Variants in ARID5B observed in about 807,000 individuals in gnomAD.
The protein encoded by ARID5B is AT-rich interaction domain 5B.
In ARID5B, 13 loss-of-function variants were observed where a neutral mutation model predicts 97.2. That is an observed-to-expected ratio of 0.13 (90% CI 0.09 to 0.21). The LOEUF is 0.21. Ranked by LOEUF, ARID5B falls within the 10% of genes least tolerant of loss-of-function variation. The pLI is 1.00. For synonymous variants in ARID5B, 556 were observed against 570.3 expected, an observed-to-expected ratio of 0.97 and a Z score of 0.36; for missense variants, 1,210 against 1,465.3, an observed-to-expected ratio of 0.83 and a Z score of 2.84.
chr10:62,007,467 T>A (rs1420358995), intron 4 of ARID5B, among the ~76,000 whole-genome samples: 1 of 152,152 alleles, frequency 6.6e-6, no homozygotes, highest in Non-Finnish European at 1.5e-5. Flanking sequence ...ACTTTTATAG[T>A]ATGTGGAAAG....
intron 3 of ARID5B, among the ~76,000 whole-genome samples, chr10:61,974,145 G>GT (rs1322788758): frequency 6.6e-6 from 1 of 152,152 alleles, no homozygotes; most frequent in Non-Finnish European, 1.5e-5. Context: ...AAAGGGAGAG[G>GT]TTTTGACAAC....
intron 3 of ARID5B, among the ~76,000 whole-genome samples, chr10:61,959,325 A>C (rs2132820145): frequency 6.6e-6 from 1 of 152,310 alleles, no homozygotes; most frequent in East Asian, 1.9e-4. Context: ...TGGCTGAATA[A>C]AACTTCTGTC....
chr10:62,060,312 A>G (rs1450266898), intron 7 of ARID5B, among the ~76,000 whole-genome samples: 1 of 152,200 alleles, frequency 6.6e-6, no homozygotes. Flanking sequence ...GACAAGCATT[A>G]TGTGGTTCAG....
intron 4 of ARID5B, among the ~76,000 whole-genome samples, chr10:62,039,598 G>C (rs1426459903): frequency 6.6e-6 from 1 of 152,204 alleles, no homozygotes; most frequent in Non-Finnish European, 1.5e-5. Flanking sequence ...GAGGGAATCA[G>C]CTTTGATTTT....
intron 2 of ARID5B, among the ~76,000 whole-genome samples, chr10:61,907,614 C>T (rs1843728405): frequency 6.6e-6 from 1 of 152,214 alleles, no homozygotes. Flanking sequence ...TCATCTTAAG[C>T]TAAGAAAAGG....
At chr10:61,964,406 AG>A (rs1449210599) in intron 3 of ARID5B, among the ~76,000 whole-genome samples, 5 of 152,282 alleles carry the variant, frequency 3.3e-5, no homozygotes, top group Middle Eastern at 6.8e-3. Flanking sequence ...GTGTTAACCC[AG>A]GGGCAGGAAT....
chr10:62,086,000 A>T, intron 9 of ARID5B, 100 bp downstream of exon 9: 1 of 1,263,170 alleles, frequency 7.9e-7, no homozygotes, highest in African/African-American at 1.5e-5. Context: ...GCACAGTTGG[A>T]TGGCTTGATG....
At chr10:61,906,270 A>T (rs746787223) in intron 2 of ARID5B, among the ~76,000 whole-genome samples, 2 of 152,202 alleles carry the variant, frequency 1.3e-5, no homozygotes, top group African/African-American at 2.4e-5. Context: ...TAAAAATGAT[A>T]CCATCTTAAA....
chr10:61,959,657 A>C (rs1230424984), intron 3 of ARID5B, among the ~76,000 whole-genome samples: 2 of 152,156 alleles, frequency 1.3e-5, no homozygotes, highest in African/African-American at 4.8e-5. Context: ...TCTGAAAGGT[A>C]TTGATGATGA....
rs1485685267 is a variant in ARID5B, at chr10:62,091,603, C to T, written c.2140C>T (p.Pro714Ser). The change falls in exon 10 of 10, where the codon CCC (proline) becomes TCC (serine). Residue 714 changes from proline to serine, a missense_variant. Physicochemically the swap from Pro to Ser is moderately conservative, Grantham distance 74. Around this residue, in one of 8 missense-constraint regions of ARID5B, gnomAD observed 800 missense variants for 839.1 expected, o/e 0.95. Coordinates refer to ENST00000279873, the MANE Select transcript of ARID5B (RefSeq NM_032199.3). ...CAGCAGCTACCCTTATGGCTCCCCA[C>T]CCCCTTTGATCAGCAAAAAGAAACT... ...LSSSYPYGSP[P>S]PLISKKKLIA... 6.2e-7 allele frequency: 1 copy of T among 1,613,294 alleles called. No homozygotes were observed. The highest frequency in any genetic ancestry group is 1.1e-5 in the South Asian group (1 of 90,894).
chr10:62,060,945 G>A (rs1468277712), intron 7 of ARID5B, among the ~76,000 whole-genome samples: 1 of 152,178 alleles, frequency 6.6e-6, no homozygotes, highest in Non-Finnish European at 1.5e-5. Context: ...GCAAGTTGAT[G>A]TAGAATGTAC....
intron 2 of ARID5B, among the ~76,000 whole-genome samples, chr10:61,906,181 T>C (rs1843704506): frequency 6.6e-6 from 1 of 152,178 alleles, no homozygotes; most frequent in Non-Finnish European, 1.5e-5. Flanking sequence ...ATTATGATTA[T>C]AGTGACCTTT....
chr10:61,908,813 A>AAAAAAAAAAG (rs1843748889), intron 2 of ARID5B, among the ~76,000 whole-genome samples: 1 of 150,034 alleles, frequency 6.7e-6, no homozygotes, highest in Non-Finnish European at 1.5e-5. Flanking sequence ...AAAAAAAAAA[A>AAAAAAAAAAG]AAAAAAAAAG....
intron 3 of ARID5B, among the ~76,000 whole-genome samples, chr10:61,999,684 A>G (rs1210076645): frequency 6.6e-6 from 1 of 152,222 alleles, no homozygotes; most frequent in South Asian, 2.1e-4. Context: ...ATAATCCAAT[A>G]TAAGAGCAAT....
At chr10:62,041,052 C>T (rs1371509192) in intron 4 of ARID5B, among the ~76,000 whole-genome samples, 1 of 152,154 alleles carries the variant, frequency 6.6e-6, no homozygotes, top group African/African-American at 2.4e-5. Flanking sequence ...TCTAGCTTGC[C>T]CCACGGCTTA....
At chr10:62,009,063 T>C (rs1839183266) in intron 4 of ARID5B, among the ~76,000 whole-genome samples, 1 of 152,210 alleles carries the variant, frequency 6.6e-6, no homozygotes, top group African/African-American at 2.4e-5. Context: ...GATTTGGTAA[T>C]GGGTTTTCAA....
chr10:61,946,267 T>C (rs894829978), intron 3 of ARID5B, among the ~76,000 whole-genome samples: 4 of 152,070 alleles, frequency 2.6e-5, no homozygotes, highest in Non-Finnish European at 5.9e-5. Flanking sequence ...GTTTGATATG[T>C]CAGGCAGCTT....
intron 2 of ARID5B, among the ~76,000 whole-genome samples, chr10:61,903,451 C>CTCAG (rs1843653882): frequency 6.6e-6 from 1 of 152,206 alleles, no homozygotes; most frequent in Non-Finnish European, 1.5e-5. Context: ...GCTGACCGAC[C>CTCAG]TCAGCGCCGT....
intron 4 of ARID5B, among the ~76,000 whole-genome samples, chr10:62,002,140 T>C (rs1406063254): frequency 6.6e-6 from 1 of 152,178 alleles, no homozygotes; most frequent in African/African-American, 2.4e-5. Context: ...AGGAAAAAAA[T>C]GTTTTAACCT....
Sources: gnomAD v4.1 joint callset for allele counts (sites outside exome capture counted in the v4.1 genomes callset) on GRCh38, gnomAD v4.1.1 for gene constraint, gnomAD v4.1.1 regional missense constraint, MANE v1.5 for transcripts, NCBI Gene and HGNC (gene_info 2026-07-23, HGNC 2026-07-21) for gene names.